The following HDAC9 variants were observed in gnomAD, a reference collection of about 807,000 sequenced individuals.
HDAC9 encodes the protein histone deacetylase 9, also known as MEF-2 interacting transcription repressor (MITR) protein.
In HDAC9, 41 loss-of-function variants were observed where a neutral mutation model predicts 139.4. The ratio of observed to expected loss-of-function variants is 0.29; its 90% confidence interval spans 0.23 to 0.38. The LOEUF (loss-of-function observed/expected upper bound fraction) is 0.38, where lower values mean the gene tolerates loss of function less well. Ranked by LOEUF, HDAC9 falls within the 10% of genes least tolerant of loss-of-function variation. The pLI, the probability that HDAC9 is intolerant of heterozygous loss-of-function variation, is 1.00. For synonymous variants in HDAC9, 517 were observed against 476.2 expected (o/e 1.09, Z -1.12); for missense variants, 1,147 against 1,297.0 (o/e 0.88, Z 1.78).
At chr7:18,168,994 A>G (rs866809186) in intron 2 of HDAC9, among the ~76,000 whole-genome samples, 1 of 148,574 alleles carries the variant, frequency 6.7e-6, no homozygotes, top group African/African-American at 2.5e-5. Context: ...CTGGAGTGCA[A>G]TGGCATGATC....
chr7:18,591,432 T>C (rs531796379), intron 4 of HDAC9, 84 bp from the exon 5 acceptor site: 2 of 1,455,114 alleles, frequency 1.4e-6, no homozygotes, highest in African/African-American at 1.4e-5. Context: ...TCTAGAGGCA[T>C]GAGAGGACAA....
rs753007985 is a variant in HDAC9, at chr7:18,585,276, T to C, written c.23-5T>C. ...CCCCATTTCCCTTTTTTTCTGGTTC[T>C]TTAGTGGATGTGAAGTCAGAAGTTC... On this transcript the variant is annotated splice_polypyrimidine_tract_variant and splice_region_variant and intron_variant, in intron 2 of 25. Coordinates refer to ENST00000686413, the MANE Select transcript of HDAC9 (RefSeq NM_178425.4). 13 of 1,611,508 alleles carry C rather than the reference T, an allele frequency of 8.1e-6. No homozygotes were observed. In the South Asian group the frequency reaches 1.1e-4, roughly 14 times the overall value.
chr7:18,882,617 T>A (rs59593404), intron 22 of HDAC9, among the ~76,000 whole-genome samples: 2,464 of 152,040 alleles, frequency 0.016, 94 homozygotes, highest in East Asian at 0.14. Context: ...CTCACTAATT[T>A]TGTAATCAAG....
At chr7:18,257,830 C>T (rs982231098) in intron 2 of HDAC9, among the ~76,000 whole-genome samples, 5 of 152,136 alleles carry the variant, frequency 3.3e-5, no homozygotes, top group Admixed American at 6.6e-5. Context: ...TTGCATAATG[C>T]CTAAGCATCA....
At chr7:18,384,752 G>A (rs1033315798) in intron 1 of HDAC9, among the ~76,000 whole-genome samples, 7 of 151,362 alleles carry the variant, frequency 4.6e-5, no homozygotes, top group African/African-American at 1.7e-4. Flanking sequence ...CTTGATGTCA[G>A]GATTGGGGAG....
intron 12 of HDAC9, among the ~76,000 whole-genome samples, chr7:18,671,560 A>C (rs1352024606): frequency 6.6e-6 from 1 of 151,952 alleles, no homozygotes; most frequent in East Asian, 1.9e-4. Flanking sequence ...CTTCTTCTGC[A>C]TTTTAACTCA....
intron 2 of HDAC9, among the ~76,000 whole-genome samples, chr7:18,180,383 G>T (rs1025706839): frequency 6.6e-6 from 1 of 151,588 alleles, no homozygotes; most frequent in African/African-American, 2.4e-5. Flanking sequence ...ACTTTGTTTT[G>T]TCATTTTTGT....
At chr7:18,376,134 C>T (rs755701335) in intron 1 of HDAC9, among the ~76,000 whole-genome samples, 4 of 151,856 alleles carry the variant, frequency 2.6e-5, no homozygotes, top group African/African-American at 9.7e-5. Context: ...AGAAATGAGG[C>T]CCTGGAGGGA....
chr7:18,762,127 G>A, intron 14 of HDAC9, 30 bp from the exon 15 acceptor site: 1 of 1,612,658 alleles, frequency 6.2e-7, no homozygotes, highest in Non-Finnish European at 8.5e-7. Context: ...TGTCAGTGGT[G>A]TACTGTTGGC....
intron 17 of HDAC9, among the ~76,000 whole-genome samples, chr7:18,826,097 T>G (rs1795410925): frequency 6.6e-6 from 1 of 152,084 alleles, no homozygotes; most frequent in Admixed American, 6.5e-5. Context: ...ACTAACACCT[T>G]CTCTAGTGTG....
chr7:18,242,870 AT>A (rs938343642), intron 2 of HDAC9, among the ~76,000 whole-genome samples: 2 of 152,168 alleles, frequency 1.3e-5, no homozygotes, highest in African/African-American at 4.8e-5. Context: ...TAGAAAAAAA[AT>A]ATTTTTATCT....
intron 2 of HDAC9, among the ~76,000 whole-genome samples, chr7:18,170,761 T>C (rs1788367303): frequency 6.6e-6 from 1 of 152,170 alleles, no homozygotes; most frequent in African/African-American, 2.4e-5. Flanking sequence ...GTTGTAGATG[T>C]GTGGTGTTAT....
At chr7:18,141,479 T>C (rs1785892890) in intron 1 of HDAC9, among the ~76,000 whole-genome samples, 1 of 152,166 alleles carries the variant, frequency 6.6e-6, no homozygotes, top group Non-Finnish European at 1.5e-5. Context: ...AAAACTTTGG[T>C]ATTCAGAGAG....
intron 22 of HDAC9, among the ~76,000 whole-genome samples, chr7:18,893,718 T>G (rs1800909379): frequency 6.6e-6 from 1 of 152,106 alleles, no homozygotes; most frequent in Admixed American, 6.6e-5. Flanking sequence ...TAGAGTACAT[T>G]AGGAGTTCAT....
Position 18,724,840 on chromosome 7 carries a change from C to T in HDAC9, c.1732-2740C>T, listed in dbSNP as rs557319421. Among the ~76,000 whole-genome samples, 10 of 152,056 alleles carry T rather than the reference C, an allele frequency of 6.6e-5. No individual in the cohort carries two copies. In the East Asian group the frequency reaches 1.9e-3, roughly 29 times the overall value. ...AAGTGTCCAGCATGGAGTGTGAGCT[C>T]AAGAAATAGTTACTGCATGCAATAA... On this transcript the variant is annotated intron_variant, in intron 12 of 25. Transcript: ENST00000686413.
chr7:18,204,236 C>A (rs1791337439), intron 2 of HDAC9, among the ~76,000 whole-genome samples: 1 of 151,426 alleles, frequency 6.6e-6, no homozygotes, highest in Non-Finnish European at 1.5e-5. Context: ...GTTTGATAAT[C>A]TGTAGTTTAC....
intron 2 of HDAC9, among the ~76,000 whole-genome samples, chr7:18,199,442 A>G (rs1342135748): frequency 2.6e-5 from 4 of 152,130 alleles, no homozygotes; most frequent in Non-Finnish European, 5.9e-5. Flanking sequence ...ATCTGGTTAT[A>G]TAAACCCAAG....
intron 6 of HDAC9, among the ~76,000 whole-genome samples, chr7:18,605,666 GCC>G (rs1471758705): frequency 6.6e-6 from 1 of 151,938 alleles, no homozygotes; most frequent in Non-Finnish European, 1.5e-5. Context: ...CTGAGACTGG[GCC>G]CCTGGAGTTT....
At chr7:18,491,994 G>C (rs1796403356), upstream of HDAC9, among the ~76,000 whole-genome samples, 1 of 151,904 alleles carries the variant, frequency 6.6e-6, no homozygotes, top group Admixed American at 6.6e-5. Flanking sequence ...TTGTCAACTT[G>C]GCTCCCGTAA....
Sources: gnomAD v4.1 joint callset for allele counts (sites outside exome capture counted in the v4.1 genomes callset) on GRCh38, gnomAD v4.1.1 for gene constraint, MANE v1.5 for transcripts, NCBI Gene and HGNC (gene_info 2026-07-23, HGNC 2026-07-21) for gene names.